Variants in ZMYND11 observed in about 807,000 individuals in gnomAD.
ZMYND11 encodes the protein zinc finger MYND domain-containing protein 11.
ZMYND11 carries 9 observed loss-of-function variants against 84.9 expected under a neutral mutation model. That is an observed-to-expected ratio of 0.11 (90% CI 0.06 to 0.18). The LOEUF (loss-of-function observed/expected upper bound fraction) is 0.18. Ranked by LOEUF, ZMYND11 falls within the 10% of genes least tolerant of loss-of-function variation. The pLI is 1.00. For missense variants in ZMYND11, 409 were observed against 761.0 expected (o/e 0.54, Z 5.44); for synonymous variants, 250 against 244.1 (o/e 1.02, Z -0.23).
At chr10:231,301 C>A (rs1948982911) in intron 4 of ZMYND11, among the ~76,000 whole-genome samples, 1 of 152,154 alleles carries the variant, frequency 6.6e-6, no homozygotes, top group South Asian at 2.1e-4. Context: ...AAGTTTGAAG[C>A]CCTTGTCTCA....
At chr10:213,861 CT>C (rs34804246) in intron 3 of ZMYND11, among the ~76,000 whole-genome samples, 16 of 152,164 alleles carry the variant, frequency 1.1e-4, no homozygotes, top group Non-Finnish European at 1.9e-4. Flanking sequence ...ACCTCTGCTA[CT>C]TTTTTTCAAT....
At chr10:155,638 G>A (rs17156310) in intron 1 of ZMYND11, among the ~76,000 whole-genome samples, 34,615 of 152,184 alleles carry the variant, frequency 0.23, 4,230 homozygotes, top group South Asian at 0.33. Flanking sequence ...GTTTGGCTTC[G>A]CTAGTAATTT....
chr10:180,236 A>T, intron 2 of ZMYND11, 108 bp downstream of exon 2: 1 of 701,862 alleles, frequency 1.4e-6, no homozygotes, highest in Non-Finnish European at 2.3e-6. Flanking sequence ...ATTACAAAGA[A>T]CTGAAGACAC....
At chr10:166,343 A>G (rs782473297) in intron 1 of ZMYND11, among the ~76,000 whole-genome samples, 4 of 152,164 alleles carry the variant, frequency 2.6e-5, no homozygotes, top group African/African-American at 7.2e-5. Context: ...TGCAAAGCTT[A>G]TATCTGATAC....
intron 1 of ZMYND11, among the ~76,000 whole-genome samples, chr10:170,009 A>T (rs1844917816): frequency 6.6e-6 from 1 of 152,142 alleles, no homozygotes; most frequent in Admixed American, 6.6e-5. Context: ...CAAATGTCAG[A>T]AAAGTAAACT....
intron 1 of ZMYND11, among the ~76,000 whole-genome samples, chr10:171,089 A>G (rs1421025268): frequency 6.6e-6 from 1 of 152,178 alleles, no homozygotes; most frequent in Non-Finnish European, 1.5e-5. Context: ...GGCAGTACAT[A>G]ATGATAAAGG....
chr10:139,007 A>G (rs1301065859), intron 1 of ZMYND11, among the ~76,000 whole-genome samples: 2 of 151,234 alleles, frequency 1.3e-5, no homozygotes, highest in Non-Finnish European at 3.0e-5. Flanking sequence ...TAATTTTTCT[A>G]TTTCACCATG....
At chr10:203,624 G>A (rs1009783100) in intron 2 of ZMYND11, among the ~76,000 whole-genome samples, 1 of 152,130 alleles carries the variant, frequency 6.6e-6, no homozygotes, top group Non-Finnish European at 1.5e-5. Flanking sequence ...AACTCCCTAA[G>A]GCTGGCAAGC....
chr10:165,622 C>A (rs1843826121), intron 1 of ZMYND11, among the ~76,000 whole-genome samples: 1 of 152,090 alleles, frequency 6.6e-6, no homozygotes, highest in Admixed American at 6.6e-5. Flanking sequence ...AGTGTAACAC[C>A]CTGGGAAAAC....
intron 1 of ZMYND11, among the ~76,000 whole-genome samples, chr10:153,863 T>C (rs905620913): frequency 1.7e-4 from 26 of 152,326 alleles, no homozygotes; most frequent in African/African-American, 5.8e-4. Flanking sequence ...TTAGCAAATA[T>C]TAAAAAATTT....
chr10:163,018 GATTT>G, intron 1 of ZMYND11, among the ~76,000 whole-genome samples: 1 of 152,166 alleles, frequency 6.6e-6, no homozygotes, highest in Non-Finnish European at 1.5e-5. Context: ...TCTTTCTCCT[GATTT>G]ATTTATTCAT....
At chr10:180,413 A>G (rs1847600997) in intron 2 of ZMYND11, among the ~76,000 whole-genome samples, 1 of 152,108 alleles carries the variant, frequency 6.6e-6, no homozygotes, top group African/African-American at 2.4e-5. Context: ...TGATTTATTT[A>G]TTTTGAGACG....
intron 2 of ZMYND11, among the ~76,000 whole-genome samples, chr10:206,833 T>G (rs1360209542): frequency 6.6e-6 from 1 of 152,056 alleles, no homozygotes; most frequent in East Asian, 1.9e-4. Flanking sequence ...TTAATTTTTA[T>G]TTTTTTAATT....
At chr10:169,161 C>T (rs1160346957) in intron 1 of ZMYND11, among the ~76,000 whole-genome samples, 1 of 152,050 alleles carries the variant, frequency 6.6e-6, no homozygotes, top group Non-Finnish European at 1.5e-5. Context: ...TAGCTTTCTA[C>T]ATGGGGAAAG....
At chr10:138,394 G>T (rs545260730) in intron 1 of ZMYND11, among the ~76,000 whole-genome samples, 1 of 152,174 alleles carries the variant, frequency 6.6e-6, no homozygotes, top group East Asian at 1.9e-4. Context: ...TGAGATTACA[G>T]ATGTGAGCCA....
In ZMYND11 at chr10:180,038, A is replaced by G; in HGVS notation, c.26A>G (p.Gln9Arg). 1 of 1,613,714 alleles carries G rather than the reference A, an allele frequency of 6.2e-7. No individual in the cohort carries two copies. The highest frequency in any genetic ancestry group is 8.5e-7 in the Non-Finnish European group (1 of 1,179,778). Residue 9 changes from glutamine to arginine, a missense_variant, in exon 2 of 15, where the codon CAG (glutamine) becomes CGG (arginine). Gln to Arg is a conservative substitution (Grantham distance 43). This residue lies in a region of ZMYND11 where 73 missense variants were observed against 185.8 expected (regional missense o/e 0.39). Coordinates refer to ENST00000381604, the MANE Select transcript of ZMYND11 (RefSeq NM_001370100.5). MARLTKRR[Q>R]ADTKAIQHLW... ...ATGGCACGTTTAACAAAAAGACGACAGGCGGATACAAAAGCTATCCAGCAT... is the reference window on the plus strand; with the variant it reads ...ATGGCACGTTTAACAAAAAGACGACGGGCGGATACAAAAGCTATCCAGCAT...
chr10:199,279 ATCCC>A (rs1942532046), intron 2 of ZMYND11, among the ~76,000 whole-genome samples: 1 of 30,604 alleles, frequency 3.3e-5, no homozygotes, highest in Non-Finnish European at 6.0e-5. Flanking sequence ...TCCCCTTCCC[ATCCC>A]TCCCTCCCTC....
At chr10:220,903 C>T (rs975273077) in intron 3 of ZMYND11, among the ~76,000 whole-genome samples, 6 of 152,180 alleles carry the variant, frequency 3.9e-5, no homozygotes, top group Non-Finnish European at 8.8e-5. Flanking sequence ...GATTGTATTT[C>T]AAAATGAAAG....
intron 4 of ZMYND11, among the ~76,000 whole-genome samples, chr10:223,663 T>TA (rs1947556340): frequency 6.6e-6 from 1 of 152,194 alleles, no homozygotes; most frequent in South Asian, 2.1e-4. Context: ...TCATTTTAGA[T>TA]CCATTCTATT....
Sources: gnomAD v4.1 joint callset for allele counts (sites outside exome capture counted in the v4.1 genomes callset) on GRCh38, gnomAD v4.1.1 for gene constraint, gnomAD v4.1.1 regional missense constraint, MANE v1.5 for transcripts, NCBI Gene and HGNC (gene_info 2026-07-23, HGNC 2026-07-21) for gene names.